RGS17: variants seen among roughly 807,000 people sequenced by gnomAD.
The protein encoded by RGS17 is regulator of G protein signaling 17.
Under a neutral mutation model 25.5 loss-of-function variants are expected in RGS17, and 12 were observed. That is an observed-to-expected ratio of 0.47 (90% CI 0.30 to 0.76). The LOEUF (loss-of-function observed/expected upper bound fraction) is 0.76, where lower values mean the gene tolerates loss of function less well. Ranked by LOEUF, RGS17 falls within the 30% of genes least tolerant of loss-of-function variation. The pLI, the probability that RGS17 is intolerant of heterozygous loss-of-function variation, is 0.07. For missense variants in RGS17, 196 were observed against 242.2 expected (o/e 0.81, Z 1.27); for synonymous variants, 71 against 76.9 (o/e 0.92, Z 0.40).
chr6:153,089,905 TA>T (rs1426354948), intron 1 of RGS17, among the ~76,000 whole-genome samples: 2 of 152,312 alleles, frequency 1.3e-5, no homozygotes, highest in Admixed American at 1.3e-4. Context: ...TTTTTCCACA[TA>T]AAAGATAAAC....
At chr6:153,110,802 T>C (rs1191395167) in intron 1 of RGS17, among the ~76,000 whole-genome samples, 4 of 152,184 alleles carry the variant, frequency 2.6e-5, no homozygotes, top group Admixed American at 6.5e-5. Flanking sequence ...CGAAGCAGGA[T>C]AGGGCATCGT....
chr6:153,043,572 T>C (rs1776348304), intron 2 of RGS17, among the ~76,000 whole-genome samples: 1 of 152,090 alleles, frequency 6.6e-6, no homozygotes, highest in Non-Finnish European at 1.5e-5. Flanking sequence ...TTGGAGAATA[T>C]TGCTTATTGA....
chr6:153,069,855 T>C (rs1436430831), intron 1 of RGS17, among the ~76,000 whole-genome samples: 1 of 152,080 alleles, frequency 6.6e-6, no homozygotes, highest in East Asian at 1.9e-4. Flanking sequence ...CAGTACGTTA[T>C]TTATTATGTC....
At chr6:153,091,372 A>G (rs1362692217) in intron 1 of RGS17, among the ~76,000 whole-genome samples, 1 of 152,232 alleles carries the variant, frequency 6.6e-6, no homozygotes, top group Non-Finnish European at 1.5e-5. Flanking sequence ...GTGTAAACAC[A>G]TGAATATTTT....
At chr6:153,032,915 T>C (rs769102555) in intron 2 of RGS17, among the ~76,000 whole-genome samples, 151 of 152,348 alleles carry the variant, frequency 9.9e-4, no homozygotes, top group Non-Finnish European at 1.6e-3. Flanking sequence ...ACTTAGGTCA[T>C]ACATTCTTAG....
rs1007791378 is a variant in RGS17, at chr6:153,004,916, A to C, written c.*6658T>G. On this transcript the variant is annotated 3_prime_UTR_variant, in exon 5 of 5. Transcript: ENST00000206262. Reference sequence around the variant, plus strand: ...GATAAATATTGGTGGAGTACAATATATGGATATAGATTAAGTGTGATGAAC... The same window carrying C: ...GATAAATATTGGTGGAGTACAATATCTGGATATAGATTAAGTGTGATGAAC... The C allele has an allele frequency of 2.0e-5, 3 of 152,224 alleles. No individual in the cohort carries two copies. Among genetic ancestry groups the C allele is most frequent in the African/African-American group, 7.2e-5 (3 of 41,478 alleles). 9.4% of individuals were successfully genotyped at this position (152,224 alleles called of 1,614,324 possible). A position where few individuals can be genotyped will look rare whatever the true frequency, so the allele number is the denominator to read the frequency against.
intron 2 of RGS17, among the ~76,000 whole-genome samples, chr6:153,028,423 A>AG (rs1190752488): frequency 1.3e-5 from 2 of 152,044 alleles, no homozygotes; most frequent in Admixed American, 6.5e-5. Context: ...ATAATTTTGG[A>AG]GGTATTTGCG....
rs529871076 is a variant in RGS17 at position 153,077,377 on chromosome 6, A to G, written c.-25-33334T>C. ...ATAGCTGTATATAATAGTTGGGACAATTGGGGAAACTCTGGATATTAGATG... is the reference window on the plus strand; with the variant it reads ...ATAGCTGTATATAATAGTTGGGACAGTTGGGGAAACTCTGGATATTAGATG... On this transcript the variant is annotated intron_variant, in intron 1 of 4. Coordinates refer to ENST00000206262, the MANE Select transcript of RGS17 (RefSeq NM_012419.5). Among the ~76,000 whole-genome samples the G allele has an allele frequency of 5.9e-5, 9 of 152,248 alleles. No homozygotes were observed. The South Asian group carries it at 1.7e-3, about 28-fold the overall frequency.
At chr6:153,112,530 C>A (rs1188478401) in intron 1 of RGS17, among the ~76,000 whole-genome samples, 4 of 152,286 alleles carry the variant, frequency 2.6e-5, no homozygotes, top group African/African-American at 9.6e-5. Context: ...CTTCCCCAAC[C>A]TATCAAGACA....
intron 1 of RGS17, among the ~76,000 whole-genome samples, chr6:153,102,560 C>T (rs888815243): frequency 6.6e-6 from 1 of 152,108 alleles, no homozygotes; most frequent in African/African-American, 2.4e-5. Context: ...ATCATGGGGG[C>T]AGCTTCCCCC....
In RGS17 at chr6:153,106,643, G is replaced by GT. The variant is rs375243414; in HGVS notation, c.-26+24480dup. Among the ~76,000 whole-genome samples, 322 of 151,962 alleles carry GT rather than the reference G, an allele frequency of 2.1e-3. 1 individual carries two copies. The highest frequency in any genetic ancestry group is 7.3e-3 in the African/African-American group (301 of 41,454). On this transcript the variant is annotated intron_variant, in intron 1 of 4. Coordinates refer to ENST00000206262, the MANE Select transcript of RGS17 (RefSeq NM_012419.5). ...AACATGCCAATGACATTAATTCATAGTAATTATATATACATAGACATGGAG... is the reference window on the plus strand; with the variant it reads ...AACATGCCAATGACATTAATTCATAGTTAATTATATATACATAGACATGGAG...
At chr6:153,111,308 C>A (rs1777466358) in intron 1 of RGS17, among the ~76,000 whole-genome samples, 1 of 152,168 alleles carries the variant, frequency 6.6e-6, no homozygotes, top group South Asian at 2.1e-4. Context: ...CCCTCACAGT[C>A]TAAACAAAGC....
At chr6:153,099,168 G>C (rs997907621) in intron 1 of RGS17, among the ~76,000 whole-genome samples, 1 of 152,146 alleles carries the variant, frequency 6.6e-6, no homozygotes, top group Admixed American at 6.5e-5. Context: ...ACATGATTTA[G>C]TTGAAATAAA....
rs1779093406 is a variant in RGS17 at position 153,007,863 on chromosome 6, T to TTACA, written c.*3707_*3710dup. 6.6e-6 allele frequency: 1 copy of TTACA among 152,194 alleles called. No individual in the cohort carries two copies. Among genetic ancestry groups the TTACA allele is most frequent in the Admixed American group, 6.5e-5 (1 of 15,284 alleles). 9.4% of individuals were successfully genotyped at this position (152,194 alleles called of 1,614,324 possible). A position where few individuals can be genotyped will look rare whatever the true frequency, so the allele number is the denominator to read the frequency against. On this transcript the variant is annotated 3_prime_UTR_variant, in exon 5 of 5. Coordinates refer to ENST00000206262, the MANE Select transcript of RGS17 (RefSeq NM_012419.5). ...TCTTTGGCTTCCCAAAGTGCTGGGA[T>TTACA]TACAGGCTTGAGCCACTGTGCCTGG...
intron 4 of RGS17, 76 bp downstream of exon 4, chr6:153,024,186 C>T: frequency 3.3e-6 from 3 of 919,538 alleles, no homozygotes; most frequent in Non-Finnish European, 5.2e-6. Context: ...CCATGCCCTA[C>T]CCAATGTGGA....
chr6:153,069,570 TTAA>T (rs1395487810), intron 1 of RGS17, among the ~76,000 whole-genome samples: 4 of 152,136 alleles, frequency 2.6e-5, no homozygotes, highest in African/African-American at 9.7e-5. Context: ...GTGACTGTAG[TTAA>T]TAATAACTTA....
At chr6:153,057,208 A>T (rs1370662766) in intron 1 of RGS17, among the ~76,000 whole-genome samples, 2 of 151,672 alleles carry the variant, frequency 1.3e-5, no homozygotes, top group African/African-American at 4.8e-5. Flanking sequence ...ATATAAAAAT[A>T]AAAGCTTCAT....
intron 1 of RGS17, among the ~76,000 whole-genome samples, chr6:153,090,797 T>G (rs952284124): frequency 6.6e-6 from 1 of 151,982 alleles, no homozygotes; most frequent in Non-Finnish European, 1.5e-5. Flanking sequence ...CACAGCTGTT[T>G]CAGTAATCAG....
At chr6:153,129,535 A>T (rs1777754105) in intron 1 of RGS17, among the ~76,000 whole-genome samples, 1 of 152,158 alleles carries the variant, frequency 6.6e-6, no homozygotes, top group South Asian at 2.1e-4. Context: ...AATAAAAATC[A>T]ATTCTCACGT....
Sources: allele counts gnomAD v4.1 joint callset (sites outside exome capture counted in the v4.1 genomes callset), GRCh38; gene constraint gnomAD v4.1.1; transcripts MANE v1.5; gene names NCBI Gene and HGNC (gene_info 2026-07-23, HGNC 2026-07-21).